FGF12: variants seen among roughly 807,000 people sequenced by gnomAD.
FGF12 encodes fibroblast growth factor 12B.
A neutral mutation model predicts 23.6 loss-of-function variants in FGF12; 14 were observed. That is an observed-to-expected ratio of 0.59 (90% CI 0.39 to 0.93). FGF12 has a LOEUF of 0.93. Ranked by LOEUF, FGF12 falls within the 40% of genes least tolerant of loss-of-function variation. The probability of loss-of-function intolerance (pLI) is 0.00; values close to 1 mark genes in which losing one functional copy is unlikely to be tolerated. For missense variants in FGF12, 175 were observed against 217.8 expected (o/e 0.80, Z 1.24); for synonymous variants, 62 against 77.3 (o/e 0.80, Z 1.04).
intron 4 of FGF12, among the ~76,000 whole-genome samples, chr3:192,292,710 C>T (rs894077122): frequency 3.9e-5 from 6 of 152,134 alleles, no homozygotes; most frequent in African/African-American, 1.4e-4. Context: ...CTATCTAAAA[C>T]ATACCTATCT....
chr3:192,419,336 G>A lies in FGF12; in HGVS notation c.14-58798C>T, dbSNP rs142638559. Among the ~76,000 whole-genome samples the A allele has an allele frequency of 7.3e-3, 1,104 of 152,200 alleles. 18 individuals carry two copies. The highest frequency in any genetic ancestry group is 0.024 in the African/African-American group (1,007 of 41,520). ...GAAATACTAGTTAACAAATAGAGCT[G>A]GGGAAAGAGAAACTGAGGAAAGTGA... is the stretch of plus-strand genomic sequence containing the variant. On this transcript the variant is annotated intron_variant, in intron 2 of 5. Coordinates refer to ENST00000445105, the MANE Select transcript of FGF12 (RefSeq NM_004113.6).
At chr3:192,341,065 T>TG (rs963582358) in intron 3 of FGF12, among the ~76,000 whole-genome samples, 1 of 152,074 alleles carries the variant, frequency 6.6e-6, no homozygotes, top group Non-Finnish European at 1.5e-5. Flanking sequence ...GTATATCTGG[T>TG]GGGGGTTCAA....
At chr3:192,406,375 A>G (rs1442899595) in intron 2 of FGF12, among the ~76,000 whole-genome samples, 1 of 152,038 alleles carries the variant, frequency 6.6e-6, no homozygotes, top group Non-Finnish European at 1.5e-5. Context: ...ACTAGAGTGC[A>G]AGCACGTACT....
intron 2 of FGF12, among the ~76,000 whole-genome samples, chr3:192,590,541 G>A (rs1159006546): frequency 1.3e-5 from 2 of 151,882 alleles, no homozygotes; most frequent in East Asian, 1.9e-4. Flanking sequence ...ATGTAGGTAA[G>A]TATTTATTCT....
At chr3:192,605,995 C>G (rs1714322130) in intron 2 of FGF12, among the ~76,000 whole-genome samples, 1 of 152,152 alleles carries the variant, frequency 6.6e-6, no homozygotes, top group Non-Finnish European at 1.5e-5. Context: ...AACTACCATT[C>G]AACCCAGCAA....
In FGF12 at chr3:192,473,735, C is replaced by T. The variant is rs181822444; in HGVS notation, c.14-113197G>A. On this transcript the variant is annotated intron_variant, in intron 2 of 5. Transcript: ENST00000445105. ...CCACATTCCCACCTCATTGATTCTG[C>T]GCTTGGCCACCATGTGATATGCACT... 8.0e-4 allele frequency among the ~76,000 whole-genome samples: 122 copies of T among 152,318 alleles called. 1 individual carries two copies. Among genetic ancestry groups the T allele is most frequent in the African/African-American group, 2.7e-3 (112 of 41,562 alleles).
At chr3:192,598,640 T>C (rs1713965980) in intron 2 of FGF12, among the ~76,000 whole-genome samples, 2 of 152,236 alleles carry the variant, frequency 1.3e-5, no homozygotes, top group South Asian at 4.1e-4. Context: ...AGGCCTGGAG[T>C]ACAGCTAAAA....
chr3:192,270,473 T>TTA (rs1204454800), intron 4 of FGF12, among the ~76,000 whole-genome samples: 1 of 152,086 alleles, frequency 6.6e-6, no homozygotes, highest in Admixed American at 6.6e-5. Context: ...AGAAAAATAA[T>TTA]TCAATCTAAG....
At chr3:192,611,086 C>A (rs1714534097) in intron 2 of FGF12, among the ~76,000 whole-genome samples, 1 of 151,990 alleles carries the variant, frequency 6.6e-6, no homozygotes, top group Non-Finnish European at 1.5e-5. Flanking sequence ...AATCTCAAAG[C>A]CTACAATAGT....
At chr3:192,713,102 A>AAGGAGG (rs142926417) in intron 2 of FGF12, among the ~76,000 whole-genome samples, 11,480 of 152,232 alleles carry the variant, frequency 0.075, 808 homozygotes, top group East Asian at 0.19. Flanking sequence ...CTTATGACAA[A>AAGGAGG]AGTAATCATA....
intron 2 of FGF12, among the ~76,000 whole-genome samples, chr3:192,400,087 C>G (rs1352210865): frequency 6.6e-6 from 1 of 152,140 alleles, no homozygotes; most frequent in Non-Finnish European, 1.5e-5. Flanking sequence ...TCTTCAAATG[C>G]AAAACCATCA....
At chr3:192,314,094 A>T (rs538403136) in intron 4 of FGF12, among the ~76,000 whole-genome samples, 1 of 152,138 alleles carries the variant, frequency 6.6e-6, no homozygotes, top group Admixed American at 6.5e-5. Flanking sequence ...GCAAACAGGA[A>T]GAGGGCCCTT....
chr3:192,215,834 A>C (rs932538693), intron 4 of FGF12, among the ~76,000 whole-genome samples: 1 of 152,224 alleles, frequency 6.6e-6, no homozygotes, highest in Non-Finnish European at 1.5e-5. Context: ...ACAACTTTCT[A>C]GTTTCCCTAA....
In FGF12 at chr3:192,440,890, C is replaced by T. The variant is rs78192513; in HGVS notation, c.14-80352G>A. The stretch of plus-strand genomic sequence containing the variant: ...GACACTTAACTTGCAGTTTTACTTA[C>T]ATTTTAAAGGATATAGAATTTCTCT... On this transcript the variant is annotated intron_variant, in intron 2 of 5. Coordinates refer to ENST00000445105, the MANE Select transcript of FGF12 (RefSeq NM_004113.6). 2.4e-4 allele frequency among the ~76,000 whole-genome samples: 36 copies of T among 152,292 alleles called. No homozygotes were observed. In the East Asian group the frequency reaches 6.8e-3, roughly 29 times the overall value.
chr3:192,232,252 T>G (rs568900637), intron 4 of FGF12, among the ~76,000 whole-genome samples: 1 of 152,164 alleles, frequency 6.6e-6, no homozygotes, highest in African/African-American at 2.4e-5. Context: ...TATCAACAGG[T>G]CATTTTCTTT....
chr3:192,558,360 A>T (rs1211513231), intron 2 of FGF12, among the ~76,000 whole-genome samples: 1 of 151,956 alleles, frequency 6.6e-6, no homozygotes, highest in African/African-American at 2.4e-5. Context: ...AATACTTAGG[A>T]ATAAATTTAA....
At chr3:192,481,625 T>C (rs1723481357) in intron 2 of FGF12, among the ~76,000 whole-genome samples, 1 of 152,150 alleles carries the variant, frequency 6.6e-6, no homozygotes, top group African/African-American at 2.4e-5. Flanking sequence ...CAGCCTCCTA[T>C]CCATGGCCAC....
At chr3:192,415,377 G>A (rs73889325) in intron 2 of FGF12, among the ~76,000 whole-genome samples, 2,298 of 152,154 alleles carry the variant, frequency 0.015, 48 homozygotes, top group African/African-American at 0.052. Context: ...TATCTCTAGT[G>A]CTTAAAATAA....
intron 4 of FGF12, among the ~76,000 whole-genome samples, chr3:192,232,388 CTTAATAA>C (rs1380732196): frequency 1.3e-5 from 2 of 152,030 alleles, no homozygotes; most frequent in African/African-American, 4.8e-5. Flanking sequence ...ACAGAAAACT[CTTAATAA>C]AAGATCAGAT....
Sources: allele counts gnomAD v4.1 joint callset (sites outside exome capture counted in the v4.1 genomes callset), GRCh38; gene constraint gnomAD v4.1.1; transcripts MANE v1.5; gene names NCBI Gene and HGNC (gene_info 2026-07-23, HGNC 2026-07-21).